DDX47: variants seen among roughly 807,000 people sequenced by gnomAD.
DDX47 encodes the protein probable ATP-dependent RNA helicase DDX47.
DDX47 carries 60 observed loss-of-function variants against 58.8 expected under a neutral mutation model. That is an observed-to-expected ratio of 1.02 (90% confidence interval 0.83 to 1.26). The LOEUF (loss-of-function observed/expected upper bound fraction) is 1.26. Ranked by LOEUF, DDX47 falls within the 50% of genes most tolerant of loss-of-function variation. DDX47 has a pLI of 0.00. For synonymous variants in DDX47, 197 were observed against 204.6 expected (o/e 0.96, Z 0.32); for missense variants, 530 against 573.2 (o/e 0.92, Z 0.77).
chr12:12,828,717 G>A (rs1301383829), intron 11 of DDX47, among the ~76,000 whole-genome samples: 2 of 152,162 alleles, frequency 1.3e-5, no homozygotes, highest in African/African-American at 4.8e-5. Context: ...AAAAAATACA[G>A]AAAGGATTAA....
intron 3 of DDX47, 29 bp downstream of exon 3, chr12:12,821,425 G>C (rs754752146): frequency 6.2e-7 from 1 of 1,612,898 alleles, no homozygotes; most frequent in Non-Finnish European, 8.5e-7. Flanking sequence ...AGGGATCCTA[G>C]GTTGCCATCA....
At position 12,821,092 on chromosome 12, in the gene DDX47, C is replaced by G. The variant is rs1205709267; in HGVS notation, c.182-116C>G. ...TCTGTTTATTCAACTTTCCTCTCTC[C>G]CCAGTTCATCAGATATTTATTAAGC... On this transcript the variant is annotated intron_variant, in intron 2 of 11. Transcript: ENST00000358007. The G allele has an allele frequency of 7.5e-6, 8 of 1,064,334 alleles. No homozygotes were observed. The African/African-American group carries it at 1.1e-4, about 15-fold the overall frequency. The allele number at this position is 1,064,334 out of a possible 1,614,324, so 65.9% of individuals were successfully genotyped here.
intron 2 of DDX47, among the ~76,000 whole-genome samples, chr12:12,816,871 A>G (rs1463271427): frequency 3.9e-5 from 6 of 152,196 alleles, no homozygotes; most frequent in Non-Finnish European, 8.8e-5. Flanking sequence ...CTTGCCCTAC[A>G]GTGTAGGTGA....
At chr12:12,823,808 C>G in intron 7 of DDX47, 62 bp from the exon 8 acceptor site, 1 of 1,522,388 alleles carries the variant, frequency 6.6e-7, no homozygotes, top group Non-Finnish European at 9.0e-7. Flanking sequence ...TATGTATATG[C>G]CAGGTCTCCA....
At chr12:12,821,177 T>A in intron 2 of DDX47, 31 bp from the exon 3 acceptor site, 3 of 1,608,998 alleles carry the variant, frequency 1.9e-6, no homozygotes, top group Non-Finnish European at 2.6e-6. Flanking sequence ...GCAAAGAGAT[T>A]ACTTGGCTGT....
intron 10 of DDX47, among the ~76,000 whole-genome samples, chr12:12,826,707 C>T (rs1863057129): frequency 6.6e-6 from 1 of 152,172 alleles, no homozygotes; most frequent in Non-Finnish European, 1.5e-5. Flanking sequence ...GCCTTAGCCT[C>T]TCATAGTGCT....
At position 12,822,731 on chromosome 12, in the gene DDX47, A is replaced by G; in HGVS notation, c.632A>G (p.Lys211Arg). 3 of 1,613,362 alleles carry G rather than the reference A, an allele frequency of 1.9e-6. No homozygotes were observed. Among genetic ancestry groups the G allele is most frequent in the Non-Finnish European group, 2.5e-6 (3 of 1,179,350 alleles). Reference protein sequence around the residue: ...TFLFSATMTKKVQKLQRAALK... With the variant: ...TFLFSATMTKRVQKLQRAALK... ...CTCTTCTCTGCCACCATGACCAAGAAGGTGAAATTTGCTAGGACTTTTGTT... is the reference window on the plus strand; with the variant it reads ...CTCTTCTCTGCCACCATGACCAAGAGGGTGAAATTTGCTAGGACTTTTGTT... The change falls in exon 6 of 12, where the codon AAG (lysine) becomes AGG (arginine). Residue 211 changes from lysine (K) to arginine (R), a missense_variant and splice_region_variant. Lys to Arg is a conservative substitution (Grantham distance 26). Coordinates refer to ENST00000358007, the MANE Select transcript of DDX47 (RefSeq NM_016355.4).
Position 12,827,192 on chromosome 12 carries a change from G to A in DDX47, c.1107-54G>A, listed in dbSNP as rs1189101322. On this transcript the variant is annotated intron_variant, in intron 10 of 11. Transcript: ENST00000358007. Reference sequence around the variant, plus strand: ...TATCATATAATAATAGTTTGGGAATGGACAGGCATTTGCGTTACCAGGCAA... The same window carrying A: ...TATCATATAATAATAGTTTGGGAATAGACAGGCATTTGCGTTACCAGGCAA... The A allele has an allele frequency of 6.9e-6, 11 of 1,594,006 alleles. No homozygotes were observed. In the East Asian group the frequency reaches 2.2e-4, roughly 32 times the overall value.
At position 12,829,767 on chromosome 12, in the gene DDX47, A is replaced by G; in HGVS notation, c.*213A>G. The G allele has an allele frequency of 4.2e-6, 2 of 474,012 alleles. No homozygotes were observed. Among genetic ancestry groups the G allele is most frequent in the East Asian group, 3.9e-5 (1 of 25,348 alleles). 29.4% of individuals were successfully genotyped at this position (474,012 alleles called of 1,614,324 possible). On this transcript the variant is annotated 3_prime_UTR_variant, in exon 12 of 12. Coordinates refer to ENST00000358007, the MANE Select transcript of DDX47 (RefSeq NM_016355.4). ...AGACTGTTACTGTTCTTCGACTTTGATTCCTTGCTCATGACATGAGTAGGG... is the reference window on the plus strand; with the variant it reads ...AGACTGTTACTGTTCTTCGACTTTGGTTCCTTGCTCATGACATGAGTAGGG...
chr12:12,817,381 T>G (rs576825948), intron 2 of DDX47, among the ~76,000 whole-genome samples: 1 of 152,290 alleles, frequency 6.6e-6, no homozygotes, highest in Non-Finnish European at 1.5e-5. Flanking sequence ...AAAACCTCTA[T>G]TAATGGACCT....
intron 8 of DDX47, 47 bp from the exon 9 acceptor site, chr12:12,824,492 TC>T: frequency 6.3e-7 from 1 of 1,580,298 alleles, no homozygotes; most frequent in Non-Finnish European, 8.6e-7. Context: ...TGTTTTGTAT[TC>T]CAAAACATAG....
At position 12,829,539 on chromosome 12, in the gene DDX47, G is replaced by A; in HGVS notation, c.1353G>A (p.Lys451=). Residue 451 remains lysine (K), a synonymous_variant, in exon 12 of 12, where the codon AAG becomes AAA. Coordinates refer to ENST00000358007, the MANE Select transcript of DDX47 (RefSeq NM_016355.4). ...RNKVAGGKMK[K]RKGR is the part of the protein sequence containing the mutation. ...AGGTGGCTGGAGGAAAAATGAAGAA[G>A]CGGAAAGGCCGTTAATCACTTTTAT... The A allele has an allele frequency of 5.0e-6, 8 of 1,613,760 alleles. No homozygotes were observed. The highest frequency in any genetic ancestry group is 1.1e-5 in the South Asian group (1 of 91,022).
chr12:12,827,972 T>A (rs1300860777), intron 11 of DDX47, among the ~76,000 whole-genome samples: 1 of 141,862 alleles, frequency 7.0e-6, no homozygotes, highest in Non-Finnish European at 1.5e-5. Flanking sequence ...GCCTCCCGGG[T>A]TCAAGCGATT....
chr12:12,827,762 G>A (rs746452910), intron 11 of DDX47, among the ~76,000 whole-genome samples: 4 of 151,964 alleles, frequency 2.6e-5, no homozygotes, highest in African/African-American at 4.8e-5. Context: ...TACCTTATGG[G>A]GTTTTATGAG....
intron 10 of DDX47, among the ~76,000 whole-genome samples, chr12:12,826,687 C>T (rs10845644): frequency 0.24 from 37,086 of 151,958 alleles, 4,599 homozygotes; most frequent in Admixed American, 0.32. Context: ...TGAGCTCAAG[C>T]GATCCACCTG....
chr12:12,824,361 A>T (rs964171987), intron 8 of DDX47, 179 bp from the exon 9 acceptor site: 24 of 615,192 alleles, frequency 3.9e-5, no homozygotes, highest in African/African-American at 2.8e-4. Context: ...TATCATATAT[A>T]TTTTTTTAAT....
In DDX47 at chr12:12,829,643, T is replaced by A. The variant is rs566588743; in HGVS notation, c.*89T>A. The A allele has an allele frequency of 9.6e-5, 143 of 1,485,892 alleles. No homozygotes were observed. In the African/African-American group the frequency reaches 1.8e-3, roughly 19 times the overall value. 92.0% of individuals were successfully genotyped at this position (1,485,892 alleles called of 1,614,324 possible). On this transcript the variant is annotated 3_prime_UTR_variant, in exon 12 of 12. Coordinates refer to ENST00000358007, the MANE Select transcript of DDX47 (RefSeq NM_016355.4). Reference sequence around the variant, plus strand: ...CCAACAGAGATCATGAGACTGAAATTGGTCAGAATTGTGTCCAGAATGTGC... The same window carrying A: ...CCAACAGAGATCATGAGACTGAAATAGGTCAGAATTGTGTCCAGAATGTGC...
rs756098025 is a variant in DDX47 at position 12,822,054 on chromosome 12, C to T, written c.532C>T (p.Arg178Ter). The T allele has an allele frequency of 6.8e-6, 11 of 1,613,030 alleles. No individual in the cohort carries two copies. The highest frequency in any genetic ancestry group is 4.5e-5 in the East Asian group (2 of 44,878). ...ATACTTGGTCATGGATGAAGCCGAC[C>T]GAATACTGAATATGGATTTTGAGAC... ...LKYLVMDEAD[R>*]ILNMDFETEV... is the part of the protein sequence containing the mutation. The change falls in exon 5 of 12, where the codon CGA becomes TGA. Residue 178 changes from arginine to a stop codon, truncating the protein, a stop_gained. Coordinates refer to ENST00000358007, the MANE Select transcript of DDX47 (RefSeq NM_016355.4). LOFTEE classifies it high-confidence loss of function.
rs758868299 is a variant in DDX47 at position 12,822,745 on chromosome 12, A to G, written c.633+13A>G. ...CATGACCAAGAAGGTGAAATTTGCTAGGACTTTTGTTTCTTCTTTATGAGA... is the reference window on the plus strand; with the variant it reads ...CATGACCAAGAAGGTGAAATTTGCTGGGACTTTTGTTTCTTCTTTATGAGA... On this transcript the variant is annotated intron_variant, in intron 6 of 11. Coordinates refer to ENST00000358007, the MANE Select transcript of DDX47 (RefSeq NM_016355.4). 6.2e-7 allele frequency: 1 copy of G among 1,608,348 alleles called. No individual in the cohort carries two copies. Among genetic ancestry groups the G allele is most frequent in the East Asian group, 2.2e-5 (1 of 44,834 alleles).
Sources: gnomAD v4.1 joint callset for allele counts (sites outside exome capture counted in the v4.1 genomes callset) on GRCh38, gnomAD v4.1.1 for gene constraint, MANE v1.5 for transcripts, NCBI Gene and HGNC (gene_info 2026-07-23, HGNC 2026-07-21) for gene names.